SP4: variants seen among roughly 807,000 people sequenced by gnomAD.
SP4 encodes the protein Sp4 transcription factor, also known as transcription factor Sp4.
Under a neutral mutation model 72.8 loss-of-function variants are expected in SP4, and 19 were observed. That is an observed-to-expected ratio of 0.26 (90% CI 0.18 to 0.38). The LOEUF (loss-of-function observed/expected upper bound fraction) is 0.38, where lower values mean the gene tolerates loss of function less well. Ranked by LOEUF, SP4 falls within the 10% of genes least tolerant of loss-of-function variation. The pLI, the probability that SP4 is intolerant of heterozygous loss-of-function variation, is 1.00. For synonymous variants in SP4, 395 were observed against 333.1 expected (o/e 1.19, Z -2.02); for missense variants, 1,008 against 926.3 (o/e 1.09, Z -1.14).
In SP4 at chr7:21,481,968, T is replaced by C; in HGVS notation, c.1952T>C (p.Ile651Thr). 1 of 1,614,094 alleles carries C rather than the reference T, an allele frequency of 6.2e-7. No homozygotes were observed. Among genetic ancestry groups the C allele is most frequent in the Non-Finnish European group, 8.5e-7 (1 of 1,179,952 alleles). Reference sequence around the variant, plus strand: ...AAAAAGAAGCAGCATATCTGTCATATTGAAGGATGTGGTAAAGTTTATGGC... The same window carrying C: ...AAAAAGAAGCAGCATATCTGTCATACTGAAGGATGTGGTAAAGTTTATGGC... ...PGKKKQHICH[I>T]EGCGKVYGKT... Residue 651 changes from isoleucine to threonine, a missense_variant, in exon 5 of 6, where the codon ATT becomes ACT. This residue lies in a region of SP4 where 48 missense variants were observed against 117.0 expected (regional missense o/e 0.41). Coordinates refer to ENST00000222584, the MANE Select transcript of SP4 (RefSeq NM_003112.5).
intron 3 of SP4, among the ~76,000 whole-genome samples, chr7:21,455,640 C>G (rs1431144822): frequency 1.3e-5 from 2 of 152,142 alleles, no homozygotes; most frequent in Non-Finnish European, 2.9e-5. Flanking sequence ...GAACAGGGCC[C>G]CCCAGTTCAT....
intron 3 of SP4, among the ~76,000 whole-genome samples, chr7:21,460,575 C>G (rs761221748): frequency 2.6e-5 from 4 of 152,140 alleles, no homozygotes; most frequent in Non-Finnish European, 2.9e-5. Context: ...ACTGCTGGCT[C>G]GGGCAGCCTG....
chr7:21,459,553 A>G (rs1371227970), intron 3 of SP4, among the ~76,000 whole-genome samples: 1 of 152,224 alleles, frequency 6.6e-6, no homozygotes, highest in Non-Finnish European at 1.5e-5. Context: ...TATTTTGAGC[A>G]TTACTTCTTT....
At chr7:21,430,933 C>A in intron 3 of SP4, 90 bp downstream of exon 3, 1 of 918,678 alleles carries the variant, frequency 1.1e-6, no homozygotes, top group Non-Finnish European at 1.6e-6. Context: ...TTGACGTAGA[C>A]CTCTGAAGTA....
At chr7:21,434,161 G>A (rs1365887371) in intron 3 of SP4, among the ~76,000 whole-genome samples, 3 of 152,090 alleles carry the variant, frequency 2.0e-5, no homozygotes. Flanking sequence ...AATTTGTGGG[G>A]AAAATTTTGC....
chr7:21,455,639 C>A (rs1783740217), intron 3 of SP4, among the ~76,000 whole-genome samples: 1 of 152,088 alleles, frequency 6.6e-6, no homozygotes, highest in Admixed American at 6.6e-5. Context: ...TGAACAGGGC[C>A]CCCCAGTTCA....
intron 3 of SP4, among the ~76,000 whole-genome samples, chr7:21,464,406 C>G (rs181000147): frequency 2.0e-5 from 3 of 152,228 alleles, no homozygotes; most frequent in African/African-American, 4.8e-5. Flanking sequence ...AGTCAGGGCT[C>G]TCTTTCAGAG....
intron 5 of SP4, among the ~76,000 whole-genome samples, chr7:21,504,950 C>G (rs983793436): frequency 1.3e-5 from 2 of 152,110 alleles, no homozygotes; most frequent in Non-Finnish European, 2.9e-5. Flanking sequence ...AGTGAGCACC[C>G]CAAGGGTGAT....
In SP4 at chr7:21,475,394, C is replaced by T. The variant is rs187307265; in HGVS notation, c.1679-1685C>T. 2.5e-3 allele frequency among the ~76,000 whole-genome samples: 387 copies of T among 152,062 alleles called. 4 individuals carry two copies. Among genetic ancestry groups the T allele is most frequent in the East Asian group, 7.7e-4 (4 of 5,162 alleles). On this transcript the variant is annotated intron_variant, in intron 3 of 5. Transcript: ENST00000222584. ...CTCCAAAAGTGCTGGGATTACAGGC[C>T]TGAGCCACCACGCCTGGCCTGAAAG... is the stretch of plus-strand genomic sequence containing the variant.
Position 21,477,242 on chromosome 7 carries a change from A to T in SP4, c.1842A>T (p.Val614=). 1 of 1,614,204 alleles carries T rather than the reference A, an allele frequency of 6.2e-7. No homozygotes were observed. The highest frequency in any genetic ancestry group is 8.5e-7 in the Non-Finnish European group (1 of 1,180,010). ...QQGQQTSDQE[V]QPGKRLRRVA... ...GCCAGCAGACTTCTGATCAAGAGGT[A>T]CAACCTGGCAAGAGGCTTCGAAGAG... Residue 614 remains valine (V), a synonymous_variant, in exon 4 of 6, where the codon GTA becomes GTT. Coordinates refer to ENST00000222584, the MANE Select transcript of SP4 (RefSeq NM_003112.5).
At chr7:21,489,339 T>A (rs1188315887) in intron 5 of SP4, among the ~76,000 whole-genome samples, 2 of 152,026 alleles carry the variant, frequency 1.3e-5, no homozygotes, top group Non-Finnish European at 2.9e-5. Context: ...TTGTTGTTGT[T>A]GTTGTTGCTG....
At position 21,428,183 on chromosome 7, in the gene SP4, G is replaced by A. The variant is rs1219536692; in HGVS notation, c.-69G>A. ...GCGGGCGGGACCGGCCTCTCCTCCC[G>A]CCTCGCCCCCACCCCCACCCACCTC... On this transcript the variant is annotated 5_prime_UTR_variant, in exon 1 of 6. Transcript: ENST00000222584. 1.3e-5 allele frequency: 5 copies of A among 373,400 alleles called. No individual in the cohort carries two copies. The highest frequency in any genetic ancestry group is 2.7e-5 in the African/African-American group (1 of 37,308). The allele number at this position is 373,400 out of a possible 1,614,324, so 23.1% of individuals were successfully genotyped here.
intron 3 of SP4, among the ~76,000 whole-genome samples, chr7:21,451,813 A>C (rs1475390319): frequency 6.6e-6 from 1 of 152,216 alleles, no homozygotes; most frequent in Non-Finnish European, 1.5e-5. Flanking sequence ...AACGACAAGT[A>C]GAGATGTTAA....
In SP4 at chr7:21,513,361, CAG is replaced by C. The variant is rs1287244003; in HGVS notation, c.*2095_*2096del. On this transcript the variant is annotated 3_prime_UTR_variant, in exon 6 of 6. Transcript: ENST00000222584. ...TCTTAAAGCTTTTGTAGACTTGTAA[CAG>C]AGTCTTTAAATTTAAGTTGGATTTT... 2.0e-5 allele frequency: 3 copies of C among 152,536 alleles called. No homozygotes were observed. The highest frequency in any genetic ancestry group is 6.5e-5 in the Admixed American group (1 of 15,270). 9.4% of individuals were successfully genotyped at this position (152,536 alleles called of 1,614,324 possible). A position where few individuals can be genotyped will look rare whatever the true frequency, so the allele number is the denominator to read the frequency against.
intron 5 of SP4, among the ~76,000 whole-genome samples, chr7:21,488,919 A>G (rs952434015): frequency 2.0e-5 from 3 of 152,174 alleles, no homozygotes; most frequent in African/African-American, 7.2e-5. Context: ...TACTTTGCCT[A>G]CTTACTGGAC....
chr7:21,493,396 G>A (rs1785028050), intron 5 of SP4, among the ~76,000 whole-genome samples: 1 of 152,148 alleles, frequency 6.6e-6, no homozygotes, highest in Non-Finnish European at 1.5e-5. Context: ...GTAAAGCAGT[G>A]CTTAGAGGAA....
chr7:21,471,693 G>T (rs747355508), intron 3 of SP4, among the ~76,000 whole-genome samples: 11 of 152,130 alleles, frequency 7.2e-5, no homozygotes, highest in South Asian at 2.1e-4. Context: ...AATTAACTAG[G>T]TGTGGTGGCA....
intron 3 of SP4, among the ~76,000 whole-genome samples, chr7:21,447,486 A>G (rs961434990): frequency 6.6e-6 from 1 of 152,208 alleles, no homozygotes; most frequent in Non-Finnish European, 1.5e-5. Flanking sequence ...TTCAAAGGAG[A>G]CAACTTTCTA....
intron 3 of SP4, among the ~76,000 whole-genome samples, chr7:21,473,873 G>A (rs1484829169): frequency 1.3e-5 from 2 of 152,172 alleles, no homozygotes; most frequent in Non-Finnish European, 2.9e-5. Flanking sequence ...GAAGTCAATA[G>A]AATTAAACTT....
Sources: gnomAD v4.1 joint callset for allele counts (sites outside exome capture counted in the v4.1 genomes callset) on GRCh38, gnomAD v4.1.1 for gene constraint, gnomAD v4.1.1 regional missense constraint, MANE v1.5 for transcripts, NCBI Gene and HGNC (gene_info 2026-07-23, HGNC 2026-07-21) for gene names.